The following C9orf50 variants were observed in gnomAD, a reference collection of about 807,000 sequenced individuals.
C9orf50 encodes the protein chromosome 9 open reading frame 50, also known as uncharacterized protein C9orf50.
In C9orf50, 33 loss-of-function variants were observed where a neutral mutation model predicts 42.5. That is an observed-to-expected ratio of 0.78 (90% CI 0.59 to 1.04). C9orf50 has a LOEUF of 1.04. C9orf50 is among the 50% of genes least tolerant of loss of function. The probability of loss-of-function intolerance (pLI) is 0.00; values close to 1 mark genes in which losing one functional copy is unlikely to be tolerated. For synonymous variants in C9orf50, 257 were observed against 273.4 expected (o/e 0.94, Z 0.59); for missense variants, 547 against 594.3 (o/e 0.92, Z 0.83).
At chr9:129,617,527 T>C (rs1038610997) in intron 3 of C9orf50, among the ~76,000 whole-genome samples, 4 of 152,250 alleles carry the variant, frequency 2.6e-5, no homozygotes, top group Non-Finnish European at 5.9e-5. Context: ...TGCTCTTGAA[T>C]GTGAAAGTCT....
intron 4 of C9orf50, 52 bp downstream of exon 4, chr9:129,615,432 C>T (rs1278337765): frequency 6.6e-7 from 1 of 1,510,486 alleles, no homozygotes. Flanking sequence ...CCTCTCTGCC[C>T]TCCTGGCTAG....
In C9orf50 at chr9:129,620,291, C is replaced by T. The variant is rs1830621999; in HGVS notation, c.284G>A (p.Gly95Glu). 7.9e-7 allele frequency: 1 copy of T among 1,262,296 alleles called. No individual in the cohort carries two copies. Among genetic ancestry groups the T allele is most frequent in the African/African-American group, 1.6e-5 (1 of 64,428 alleles). 78.2% of individuals were successfully genotyped at this position (1,262,296 alleles called of 1,614,324 possible). A position where few individuals can be genotyped will look rare whatever the true frequency, so the allele number is the denominator to read the frequency against. Residue 95 changes from glycine to glutamate, a missense_variant, in exon 1 of 7, where the codon GGG becomes GAG. By Grantham distance (98) the Gly-to-Glu change is moderately conservative (BLOSUM62 -2). Transcript: ENST00000372478. This position sits in a 1 kb window ranked among gnomAD's most constrained non-coding sequence, Gnocchi z 5.8. Reference sequence around the variant, plus strand: ...AGGCGGCAGCAGGGACCGCAGCAGCCCCCGCTTCCGCACGGCCCGCCGGGT... The same window carrying T: ...AGGCGGCAGCAGGGACCGCAGCAGCTCCCGCTTCCGCACGGCCCGCCGGGT...
chr9:129,615,848 C>G (rs993280211), intron 3 of C9orf50, among the ~76,000 whole-genome samples: 2 of 152,256 alleles, frequency 1.3e-5, no homozygotes, highest in Non-Finnish European at 2.9e-5. Flanking sequence ...TACACCAACC[C>G]ACCAAATGCA....
upstream of C9orf50, chr9:129,620,779 T>G (rs1209519230): frequency 4.6e-6 from 2 of 431,632 alleles, no homozygotes; most frequent in Non-Finnish European, 7.7e-6. This position sits in a 1 kb window ranked among gnomAD's most constrained non-coding sequence, Gnocchi z 5.8. Flanking sequence ...TGAAAAATGG[T>G]GACAGCAAGA....
Position 129,619,686 on chromosome 9 carries a change from C to T in C9orf50, c.600-50G>A, listed in dbSNP as rs780911756. Reference sequence around the variant, plus strand: ...GGCATGAGTGGCCAGGCTGTCCCGCCCTGGAAACATCGATGGCAACCCCGT... The same window carrying T: ...GGCATGAGTGGCCAGGCTGTCCCGCTCTGGAAACATCGATGGCAACCCCGT... On this transcript the variant is annotated intron_variant, in intron 2 of 6. Coordinates refer to ENST00000372478, the Ensembl canonical transcript of C9orf50. The T allele has an allele frequency of 2.4e-5, 38 of 1,612,690 alleles. 1 individual carries two copies. The highest frequency in any genetic ancestry group is 2.9e-5 in the Non-Finnish European group (34 of 1,178,892).
Position 129,620,250 on chromosome 9 carries a change from CG to C in C9orf50, c.324del (p.Gly109AlafsTer35). 7.5e-7 allele frequency: 1 copy of C among 1,336,236 alleles called. No homozygotes were observed. The highest frequency in any genetic ancestry group is 9.6e-7 in the Non-Finnish European group (1 of 1,037,738). 82.8% of individuals were successfully genotyped at this position (1,336,236 alleles called of 1,614,324 possible). A position where few individuals can be genotyped will look rare whatever the true frequency, so the allele number is the denominator to read the frequency against. ...CTGGGCGCCGATTCCCGGGACGCGC[CG>C]GCCGACAGCAGGGGAGGCGGCAGCA... On this transcript the variant is annotated frameshift_variant, in exon 1 of 7. Transcript: ENST00000372478. LOFTEE classifies it high-confidence loss of function. This position sits in a 1 kb window ranked among gnomAD's most constrained non-coding sequence, Gnocchi z 5.8.
exon 3 of C9orf50, chr9:129,619,593 G>C: frequency 1.2e-6 from 2 of 1,614,134 alleles, no homozygotes; most frequent in African/African-American, 1.3e-5. Context: ...GTCTGCTGGA[G>C]CGAAATCTTC....
chr9:129,616,360 C>T (rs1201143415), intron 3 of C9orf50, among the ~76,000 whole-genome samples: 3 of 152,122 alleles, frequency 2.0e-5, no homozygotes, highest in East Asian at 1.9e-4. Context: ...GGACTACAGG[C>T]GTGTGCCACC....
In C9orf50 at chr9:129,613,465, G is replaced by A; in HGVS notation, c.1013C>T (p.Ala338Val). ...AGCGCAGTCCCAACACGAGGAGCTGGCCAGGGTCTCCTCCTTGGCCCCAGG... is the reference window on the plus strand; with the variant it reads ...AGCGCAGTCCCAACACGAGGAGCTGACCAGGGTCTCCTCCTTGGCCCCAGG... The change falls in exon 5 of 7, where the codon GCC becomes GTC. Residue 338 changes from alanine to valine, a missense_variant. Ala to Val is a moderately conservative substitution (Grantham distance 64). Coordinates refer to ENST00000372478, the Ensembl canonical transcript of C9orf50. The surrounding 1 kb of genome is among the most constrained non-coding windows in gnomAD (Gnocchi z 6.2). 6.2e-7 allele frequency: 1 copy of A among 1,614,046 alleles called. No homozygotes were observed. Among genetic ancestry groups the A allele is most frequent in the Non-Finnish European group, 8.5e-7 (1 of 1,180,022 alleles).
In C9orf50 at chr9:129,613,147, C is replaced by G; in HGVS notation, c.1148G>C (p.Ser383Thr). Residue 383 changes from serine to threonine, a missense_variant, in exon 6 of 7, where the codon AGC becomes ACC. Physicochemically the swap from Ser to Thr is moderately conservative, Grantham distance 58. Coordinates refer to ENST00000372478, the Ensembl canonical transcript of C9orf50. The surrounding 1 kb of genome is among the most constrained non-coding windows in gnomAD (Gnocchi z 6.2). The stretch of plus-strand genomic sequence containing the variant: ...GTGCGGGTCCAAGAAGGCTCGGAGG[C>G]TGCTTCGCGGCCTCTGAGCAGCGGC... 6.2e-7 allele frequency: 1 copy of G among 1,613,888 alleles called. No individual in the cohort carries two copies. The highest frequency in any genetic ancestry group is 8.5e-7 in the Non-Finnish European group (1 of 1,180,010).
Position 129,612,461 on chromosome 9 carries a change from T to C in C9orf50, c.1189-7A>G, listed in dbSNP as rs1830139754. On this transcript the variant is annotated splice_region_variant and splice_polypyrimidine_tract_variant and intron_variant, in intron 6 of 6. Transcript: ENST00000372478. ...GGTTGGGCAGGAGGGACTCCTAGAG[T>C]GAGACAGAGGACCAGCTGGCTGCTA... 6.2e-7 allele frequency: 1 copy of C among 1,608,964 alleles called. No individual in the cohort carries two copies. Among genetic ancestry groups the C allele is most frequent in the Non-Finnish European group, 8.5e-7 (1 of 1,178,074 alleles).
At position 129,613,548 on chromosome 9, in the gene C9orf50, G is replaced by A. The variant is rs566893379; in HGVS notation, c.930C>T (p.Ser310=). 1.5e-4 allele frequency: 242 copies of A among 1,614,152 alleles called. 1 individual carries two copies. The Middle Eastern group carries it at 3.8e-3, about 25-fold the overall frequency. Residue 310 remains serine, a synonymous_variant, in exon 5 of 7, where the codon TCC becomes TCT. Coordinates refer to ENST00000372478, the Ensembl canonical transcript of C9orf50. The surrounding 1 kb of genome is among the most constrained non-coding windows in gnomAD (Gnocchi z 6.2). ...TTCCGACACTCCCAAACACCCGCTC[G>A]GACGCCACTGGCAGGGCGGCCTTCT... is the stretch of plus-strand genomic sequence containing the variant.
rs1319234293 is a variant in C9orf50, at chr9:129,620,154, C to T, written c.421G>A (p.Ala141Thr). ...CTGGGGAGGAGCTCTCCTAGGAAGG[C>T]GCCCAAGAAGTCGGGGTCCTCCCTG... The change falls in exon 1 of 7, where the codon GCC becomes ACC. Residue 141 changes from alanine (A) to threonine (T), a missense_variant. This residue lies in a region of C9orf50 where 108 missense variants were observed against 172.1 expected (regional missense o/e 0.63). Transcript: ENST00000372478. The surrounding 1 kb of genome is among the most constrained non-coding windows in gnomAD (Gnocchi z 5.8). 1 of 1,461,376 alleles carries T rather than the reference C, an allele frequency of 6.8e-7. No homozygotes were observed. Among genetic ancestry groups the T allele is most frequent in the Non-Finnish European group, 9.1e-7 (1 of 1,102,310 alleles). The allele number at this position is 1,461,376 out of a possible 1,614,324, so 90.5% of individuals were successfully genotyped here. A position where few individuals can be genotyped will look rare whatever the true frequency, so the allele number is the denominator to read the frequency against.
At chr9:129,617,304 T>C (rs1022160917) in intron 3 of C9orf50, among the ~76,000 whole-genome samples, 1 of 152,208 alleles carries the variant, frequency 6.6e-6, no homozygotes, top group Non-Finnish European at 1.5e-5. Flanking sequence ...CCTGGCTACA[T>C]GCCTTGGGAC....
chr9:129,613,428 G>T lies in C9orf50; in HGVS notation c.1043+7C>A. The T allele has an allele frequency of 1.2e-6, 2 of 1,612,806 alleles. No individual in the cohort carries two copies. The highest frequency in any genetic ancestry group is 8.5e-7 in the Non-Finnish European group (1 of 1,179,246). Reference sequence around the variant, plus strand: ...CACGAGTCCCATCCGCTTCCCTGGAGCCTCACAGGCCAGCGCAGTCCCAAC... The same window carrying T: ...CACGAGTCCCATCCGCTTCCCTGGATCCTCACAGGCCAGCGCAGTCCCAAC... On this transcript the variant is annotated splice_region_variant and intron_variant, in intron 5 of 6. Transcript: ENST00000372478. The surrounding 1 kb of genome is among the most constrained non-coding windows in gnomAD (Gnocchi z 6.2).
At chr9:129,618,000 G>A (rs772294411) in intron 3 of C9orf50, among the ~76,000 whole-genome samples, 1 of 152,176 alleles carries the variant, frequency 6.6e-6, no homozygotes, top group Non-Finnish European at 1.5e-5. Flanking sequence ...TCCATTTCTA[G>A]TTCCTACCCT....
At chr9:129,612,987 G>T in intron 6 of C9orf50, 120 bp downstream of exon 6, 1 of 1,287,980 alleles carries the variant, frequency 7.8e-7, no homozygotes, top group Non-Finnish European at 1.1e-6. Context: ...ACGGTGACTT[G>T]GCTCTCAGGG....
At position 129,614,096 on chromosome 9, in the gene C9orf50, T is replaced by C. The variant is rs564805705; in HGVS notation, c.881-499A>G. 2.0e-5 allele frequency among the ~76,000 whole-genome samples: 3 copies of C among 152,320 alleles called. No homozygotes were observed. The highest frequency in any genetic ancestry group is 3.9e-4 in the East Asian group (2 of 5,184). ...TGCCCGGGACACCATGATAGCTCCT[T>C]ATGGCCAGTGGCTGACACGGAATCA... On this transcript the variant is annotated intron_variant, in intron 4 of 6. Transcript: ENST00000372478. The surrounding 1 kb of genome is among the most constrained non-coding windows in gnomAD (Gnocchi z 4.4).
chr9:129,615,595 G>A, exon 4 of C9orf50: 1 of 1,605,198 alleles, frequency 6.2e-7, no homozygotes, highest in Non-Finnish European at 8.5e-7. Context: ...TCCCCCGAGG[G>A]GTTGTGGGTC....
Sources: allele counts gnomAD v4.1 joint callset (sites outside exome capture counted in the v4.1 genomes callset), GRCh38; gene constraint gnomAD v4.1.1; regional missense constraint gnomAD v4.1.1; non-coding constraint Gnocchi (gnomAD v3.1); transcripts MANE v1.5; gene names NCBI Gene and HGNC (gene_info 2026-07-23, HGNC 2026-07-21).